The following CLASP2 variants were observed in gnomAD, a reference collection of about 807,000 sequenced individuals.
The protein encoded by CLASP2 is cytoplasmic linker associated protein 2.
In CLASP2, 47 loss-of-function variants were observed where a neutral mutation model predicts 194.4. The observed-to-expected ratio is 0.24, with a 90% CI of 0.19 to 0.31. The LOEUF is 0.31. Among genes scored for constraint, CLASP2 ranks in the 10% least tolerant of loss-of-function variants. The pLI is 1.00. For synonymous variants in CLASP2, 619 were observed against 633.5 expected (o/e 0.98, Z 0.34); for missense variants, 1,445 against 1,823.6 (o/e 0.79, Z 3.78).
intron 34 of CLASP2, among the ~76,000 whole-genome samples, chr3:33,529,090 A>C (rs936940342): frequency 1.3e-5 from 2 of 152,220 alleles, no homozygotes; most frequent in African/African-American, 4.8e-5. Flanking sequence ...TAAAAAGAAT[A>C]AAATACCTAG....
intron 27 of CLASP2, among the ~76,000 whole-genome samples, chr3:33,563,151 A>G (rs2062067832): frequency 6.6e-6 from 1 of 152,178 alleles, no homozygotes; most frequent in African/African-American, 2.4e-5. Flanking sequence ...TGCAGAAGTC[A>G]TCTCAAGAAA....
intron 20 of CLASP2, 21 bp from the exon 21 acceptor site, chr3:33,592,517 A>G (rs1414454125): frequency 6.4e-7 from 1 of 1,554,722 alleles, no homozygotes; most frequent in Non-Finnish European, 8.8e-7. Context: ...AAATATTTAC[A>G]TAATTAAAAA....
chr3:33,594,939 T>G lies in CLASP2; in HGVS notation c.1966+12A>C. The G allele has an allele frequency of 1.5e-6, 2 of 1,373,694 alleles. No homozygotes were observed. Among genetic ancestry groups the G allele is most frequent in the Non-Finnish European group, 2.0e-6 (2 of 1,025,212 alleles). The allele number at this position is 1,373,694 out of a possible 1,614,324, so 85.1% of individuals were successfully genotyped here. ...ATGTATTTGTGTTACTAACAAAATG[T>G]ATAGTTCTTACCATCTTCAGATGCT... On this transcript the variant is annotated intron_variant, in intron 20 of 38. Transcript: ENST00000682230.
intron 30 of CLASP2, among the ~76,000 whole-genome samples, chr3:33,547,691 G>A (rs759286689): frequency 3.9e-5 from 6 of 152,142 alleles, no homozygotes; most frequent in Non-Finnish European, 8.8e-5. Context: ...TGTTTGTTTG[G>A]AAGAATGTGT....
Position 33,718,119 on chromosome 3 carries a change from G to A in CLASP2, c.-117C>T, listed in dbSNP as rs936502872. The A allele has an allele frequency of 2.8e-6, 3 of 1,087,928 alleles. No individual in the cohort carries two copies. The African/African-American group carries it at 5.0e-5, about 18-fold the overall frequency. The allele number at this position is 1,087,928 out of a possible 1,614,324, so 67.4% of individuals were successfully genotyped here. A position where few individuals can be genotyped will look rare whatever the true frequency, so the allele number is the denominator to read the frequency against. On this transcript the variant is annotated 5_prime_UTR_variant, in exon 1 of 39. Transcript: ENST00000682230. The stretch of plus-strand genomic sequence containing the variant: ...GCGGGACTCACTTAGCCCGCCAGGG[G>A]CGCGGCTTGCGGGGCGCAGCGGGCG...
intron 16 of CLASP2, among the ~76,000 whole-genome samples, chr3:33,604,654 C>T (rs1285283560): frequency 8.5e-5 from 13 of 152,066 alleles, no homozygotes; most frequent in Admixed American, 7.9e-4. Context: ...TTTTACAAAT[C>T]GCATTAGAAC....
In CLASP2 at chr3:33,708,542, ATG is replaced by A. The variant is rs1209716378; in HGVS notation, c.195+9264_195+9265del. Among the ~76,000 whole-genome samples, 76 of 6,654 alleles carry A rather than the reference ATG, an allele frequency of 0.011. No individual in the cohort carries two copies. In the South Asian group the frequency reaches 0.13, roughly 12 times the overall value. 4.4% of individuals were successfully genotyped at this position (6,654 alleles called of 152,430 possible). ...TATATATGTATATATATATGTATATATGTATATATATATATATATACATACAC... is the reference window on the plus strand; with the variant it reads ...TATATATGTATATATATATGTATATATATATATATATATATATACATACAC... On this transcript the variant is annotated intron_variant, in intron 1 of 38. Coordinates refer to ENST00000682230, the MANE Select transcript of CLASP2 (RefSeq NM_001365631.1).
In CLASP2 at chr3:33,718,162, C is replaced by G; in HGVS notation, c.-160G>C. ...AGCGGGCGGCGGGAGGAACGCCAAG[C>G]GCCCAGCCGCCCCCAAACTAGTCAA... is the stretch of plus-strand genomic sequence containing the variant. On this transcript the variant is annotated 5_prime_UTR_variant, in exon 1 of 39. Transcript: ENST00000682230. 1 of 589,132 alleles carries G rather than the reference C, an allele frequency of 1.7e-6. No individual in the cohort carries two copies. The highest frequency in any genetic ancestry group is 2.7e-6 in the Non-Finnish European group (1 of 376,684). 36.5% of individuals were successfully genotyped at this position (589,132 alleles called of 1,614,324 possible). A position where few individuals can be genotyped will look rare whatever the true frequency, so the allele number is the denominator to read the frequency against.
rs758473046 is a variant in CLASP2 at position 33,517,189 on chromosome 3, T to C, written c.3788-15A>G. Reference sequence around the variant, plus strand: ...TAGGGAAAGATCTGTCAAAAGGACATGGTATTAGTTCTATAACTTTATAGG... The same window carrying C: ...TAGGGAAAGATCTGTCAAAAGGACACGGTATTAGTTCTATAACTTTATAGG... On this transcript the variant is annotated splice_polypyrimidine_tract_variant and intron_variant, in intron 34 of 38. Transcript: ENST00000682230. 3.7e-6 allele frequency: 6 copies of C among 1,601,484 alleles called. No homozygotes were observed. In the South Asian group the frequency reaches 4.5e-5, roughly 12 times the overall value.
At chr3:33,679,124 CAATAT>C (rs2089359355) in intron 6 of CLASP2, among the ~76,000 whole-genome samples, 1 of 151,918 alleles carries the variant, frequency 6.6e-6, no homozygotes, top group South Asian at 2.1e-4. Flanking sequence ...GGGACAAAGT[CAATAT>C]AAAGAATAAA....
chr3:33,584,023 G>A (rs1362706353), intron 22 of CLASP2, among the ~76,000 whole-genome samples: 1 of 152,130 alleles, frequency 6.6e-6, no homozygotes, highest in Non-Finnish European at 1.5e-5. Flanking sequence ...CATTTTTAAT[G>A]TTTAAGCTGG....
chr3:33,518,151 A>T (rs915604338), intron 34 of CLASP2, among the ~76,000 whole-genome samples: 2 of 152,222 alleles, frequency 1.3e-5, no homozygotes, highest in Non-Finnish European at 2.9e-5. Context: ...TTCTTAATAT[A>T]GTTCTCTTTA....
intron 8 of CLASP2, 137 bp downstream of exon 8, chr3:33,644,620 C>T (rs1313189832): frequency 1.1e-6 from 1 of 871,060 alleles, no homozygotes; most frequent in Non-Finnish European, 1.8e-6. Context: ...TCGTATTCTT[C>T]TGAATGTTGC....
At chr3:33,517,914 T>G (rs1311486716) in intron 34 of CLASP2, among the ~76,000 whole-genome samples, 1 of 152,158 alleles carries the variant, frequency 6.6e-6, no homozygotes, top group Non-Finnish European at 1.5e-5. Context: ...TCCCAAAGTG[T>G]TGGGATTATA....
chr3:33,596,715 C>T lies in CLASP2; in HGVS notation c.1944G>A (p.Leu648=). Residue 648 remains leucine, a synonymous_variant, in exon 19 of 39, where the codon CTG becomes CTA. Coordinates refer to ENST00000682230, the MANE Select transcript of CLASP2 (RefSeq NM_001365631.1). ...YASLEDTSDK[L]DGTASEDGRV... ...ATTAGGAAAGGAAGTTCTTACCATC[C>T]AGCTTGTCAGAAGTATCCTCTTTGA... 6.4e-7 allele frequency: 1 copy of T among 1,567,830 alleles called. No individual in the cohort carries two copies. Among genetic ancestry groups the T allele is most frequent in the Non-Finnish European group, 8.7e-7 (1 of 1,154,412 alleles).
intron 26 of CLASP2, among the ~76,000 whole-genome samples, chr3:33,567,509 T>C (rs1304226708): frequency 3.3e-5 from 5 of 152,180 alleles, no homozygotes; most frequent in Non-Finnish European, 7.3e-5. Flanking sequence ...GCCAGAAATA[T>C]ATGGGATGGC....
At chr3:33,637,281 C>T (rs2080328263) in intron 8 of CLASP2, among the ~76,000 whole-genome samples, 1 of 152,126 alleles carries the variant, frequency 6.6e-6, no homozygotes, top group African/African-American at 2.4e-5. Flanking sequence ...TCTGTAATCC[C>T]AGCACTTTGG....
intron 29 of CLASP2, among the ~76,000 whole-genome samples, chr3:33,557,651 C>T (rs2061194220): frequency 6.6e-6 from 1 of 152,114 alleles, no homozygotes; most frequent in Admixed American, 6.5e-5. Context: ...AAATTACAAG[C>T]TTTATATTCC....
At position 33,596,712 on chromosome 3, in the gene CLASP2, A is replaced by T; in HGVS notation, c.1947T>A (p.Asp649Glu). ...ASLEDTSDKL[D>E]GTASEDGRVR... is the part of the protein sequence containing the mutation. The stretch of plus-strand genomic sequence containing the variant: ...AGAATTAGGAAAGGAAGTTCTTACC[A>T]TCCAGCTTGTCAGAAGTATCCTCTT... Residue 649 changes from aspartate (D) to glutamate (E), a missense_variant and splice_region_variant, in exon 19 of 39, where the codon GAT becomes GAA. Physicochemically the swap from Asp to Glu is conservative, Grantham distance 45. Transcript: ENST00000682230. The T allele has an allele frequency of 6.4e-7, 1 of 1,568,178 alleles. No homozygotes were observed. Among genetic ancestry groups the T allele is most frequent in the Non-Finnish European group, 8.7e-7 (1 of 1,154,400 alleles).
Sources: gnomAD v4.1 joint callset for allele counts (sites outside exome capture counted in the v4.1 genomes callset) on GRCh38, gnomAD v4.1.1 for gene constraint, MANE v1.5 for transcripts, NCBI Gene and HGNC (gene_info 2026-07-23, HGNC 2026-07-21) for gene names.